HTR7: variants seen among roughly 807,000 people sequenced by gnomAD.
HTR7 encodes 5-hydroxytryptamine receptor 7.
In HTR7, 16 loss-of-function variants were observed where a neutral mutation model predicts 34.0. That is an observed-to-expected ratio of 0.47 (90% CI 0.32 to 0.71). HTR7 has a LOEUF of 0.71. HTR7 is among the 30% of genes least tolerant of loss of function. The probability of loss-of-function intolerance (pLI) is 0.04; values close to 1 mark genes in which losing one functional copy is unlikely to be tolerated. For missense variants in HTR7, 504 were observed against 625.5 expected (o/e 0.81, Z 2.07); for synonymous variants, 265 against 260.2 (o/e 1.02, Z -0.18).
chr10:90,851,816 G>A (rs1047879329), intron 1 of HTR7, among the ~76,000 whole-genome samples: 1 of 152,028 alleles, frequency 6.6e-6, no homozygotes, highest in African/African-American at 2.4e-5. Flanking sequence ...CCCCCATACC[G>A]TTCTCCTGGT....
Position 90,749,002 on chromosome 10 carries a change from G to C in HTR7, c.1132C>G (p.Leu378Val). Residue 378 changes from leucine to valine, a missense_variant, in exon 2 of 4, where the codon CTC becomes GTC. Leu to Val is a conservative substitution (Grantham distance 32). Coordinates refer to ENST00000336152, the MANE Select transcript of HTR7 (RefSeq NM_019859.4). The surrounding 1 kb of genome is among the most constrained non-coding windows in gnomAD (Gnocchi z 4.2). ...AAGGCATATATAAAAGGGTTAATGA[G>C]AGAGTTTGCATAGCCTAGCCACAGA... is the stretch of plus-strand genomic sequence containing the variant. ...TFLWLGYANS[L>V]INPFIYAFFN... The C allele has an allele frequency of 6.2e-7, 1 of 1,614,102 alleles. No individual in the cohort carries two copies. Among genetic ancestry groups the C allele is most frequent in the Non-Finnish European group, 8.5e-7 (1 of 1,180,004 alleles).
chr10:90,857,798 T>C lies in HTR7; in HGVS notation c.-127A>G. 1.1e-6 allele frequency: 1 copy of C among 908,344 alleles called. No homozygotes were observed. Among genetic ancestry groups the C allele is most frequent in the Non-Finnish European group, 1.5e-6 (1 of 683,776 alleles). The allele number at this position is 908,344 out of a possible 1,614,324, so 56.3% of individuals were successfully genotyped here. Reference sequence around the variant, plus strand: ...CAGCCATGGGGCCCGCGCCGACCGCTGGGGGGCGCCTGGCTCTGTCTCGGA... The same window carrying C: ...CAGCCATGGGGCCCGCGCCGACCGCCGGGGGGCGCCTGGCTCTGTCTCGGA... On this transcript the variant is annotated 5_prime_UTR_variant, in exon 1 of 4. Transcript: ENST00000336152. This position sits in a 1 kb window ranked among gnomAD's most constrained non-coding sequence, Gnocchi z 6.5.
At chr10:90,807,288 T>C (rs1214632202) in intron 1 of HTR7, among the ~76,000 whole-genome samples, 3 of 152,112 alleles carry the variant, frequency 2.0e-5, no homozygotes, top group Non-Finnish European at 4.4e-5. Flanking sequence ...ATCACACCTA[T>C]TGTCAGGCCT....
At chr10:90,853,287 CTTTT>C (rs35477812) in intron 1 of HTR7, among the ~76,000 whole-genome samples, 1 of 110,054 alleles carries the variant, frequency 9.1e-6, no homozygotes, top group Non-Finnish European at 1.9e-5. Flanking sequence ...TTTTTTTTTT[CTTTT>C]TTTTTTTTTT....
At chr10:90,791,395 G>A (rs1408646058) in intron 1 of HTR7, among the ~76,000 whole-genome samples, 1 of 152,048 alleles carries the variant, frequency 6.6e-6, no homozygotes, top group Non-Finnish European at 1.5e-5. Context: ...TTAAAGAAAG[G>A]TTATATGGAT....
At chr10:90,765,085 G>A (rs1033633818) in intron 1 of HTR7, among the ~76,000 whole-genome samples, 1 of 152,122 alleles carries the variant, frequency 6.6e-6, no homozygotes, top group Non-Finnish European at 1.5e-5. Context: ...CAACTTTTTG[G>A]AAGAGTTTGA....
At chr10:90,755,536 T>C (rs757219435) in intron 1 of HTR7, among the ~76,000 whole-genome samples, 1 of 152,232 alleles carries the variant, frequency 6.6e-6, no homozygotes, top group African/African-American at 2.4e-5. Flanking sequence ...CTTAACTCAC[T>C]AAATTGATTT....
chr10:90,809,872 T>C (rs1383628425), intron 1 of HTR7, among the ~76,000 whole-genome samples: 1 of 152,194 alleles, frequency 6.6e-6, no homozygotes, highest in Non-Finnish European at 1.5e-5. Flanking sequence ...GCTTCCCAGA[T>C]CTTCTTGGCT....
At chr10:90,798,153 A>C (rs760582514) in intron 1 of HTR7, among the ~76,000 whole-genome samples, 2 of 152,222 alleles carry the variant, frequency 1.3e-5, no homozygotes, top group Non-Finnish European at 2.9e-5. Flanking sequence ...TGCTTTAAAG[A>C]AGGCTAAAAA....
At chr10:90,838,412 C>T (rs2120079030) in intron 1 of HTR7, among the ~76,000 whole-genome samples, 1 of 152,300 alleles carries the variant, frequency 6.6e-6, no homozygotes, top group East Asian at 1.9e-4. Context: ...ACTACTCCAA[C>T]CCAGTCCAAG....
chr10:90,834,051 G>A (rs1271026065), intron 1 of HTR7, among the ~76,000 whole-genome samples: 2 of 152,162 alleles, frequency 1.3e-5, no homozygotes, highest in Non-Finnish European at 1.5e-5. Flanking sequence ...CACGCTTACT[G>A]CAAAAGAGAA....
chr10:90,820,290 G>C (rs74834430), intron 1 of HTR7, among the ~76,000 whole-genome samples: 2 of 152,052 alleles, frequency 1.3e-5, no homozygotes, highest in African/African-American at 4.8e-5. Flanking sequence ...ATGGCTTTTT[G>C]ATTTTCTTTT....
At chr10:90,834,394 G>A (rs1004599345) in intron 1 of HTR7, among the ~76,000 whole-genome samples, 1 of 151,924 alleles carries the variant, frequency 6.6e-6, no homozygotes, top group Non-Finnish European at 1.5e-5. Context: ...CGGGGGGTGG[G>A]GGAAATCACT....
At chr10:90,855,844 A>G (rs1846571050) in intron 1 of HTR7, among the ~76,000 whole-genome samples, 1 of 152,220 alleles carries the variant, frequency 6.6e-6, no homozygotes, top group African/African-American at 2.4e-5. Context: ...AAAATAACCT[A>G]AATTGTTAGC....
At position 90,809,265 on chromosome 10, in the gene HTR7, G is replaced by C. The variant is rs569114974; in HGVS notation, c.539+47868C>G. 3.3e-5 allele frequency among the ~76,000 whole-genome samples: 5 copies of C among 152,250 alleles called. No homozygotes were observed. The East Asian group carries it at 9.6e-4, about 29-fold the overall frequency. On this transcript the variant is annotated intron_variant, in intron 1 of 3. Coordinates refer to ENST00000336152, the MANE Select transcript of HTR7 (RefSeq NM_019859.4). The stretch of plus-strand genomic sequence containing the variant: ...TGCCTAGCAATTTACTCTTAAAAAG[G>C]TGGCTGGAGCTAAAGACATAGTCAA...
chr10:90,749,226 G>A lies in HTR7; in HGVS notation c.908C>T (p.Ala303Val). Residue 303 changes from alanine (A) to valine (V), a missense_variant, in exon 2 of 4, where the codon GCA becomes GTA. Ala to Val is a moderately conservative substitution (Grantham distance 64). This residue lies in a region of HTR7 where 57 missense variants were observed against 47.5 expected (regional missense o/e 1.20). Transcript: ENST00000336152. This position sits in a 1 kb window ranked among gnomAD's most constrained non-coding sequence, Gnocchi z 4.2. ...ATGCTTGAGGAGTCTCGAAAGGTTTGCACACTCTTCCACCTCCTTCTGGAG... is the reference window on the plus strand; with the variant it reads ...ATGCTTGAGGAGTCTCGAAAGGTTTACACACTCTTCCACCTCCTTCTGGAG... ...VKLQKEVEEC[A>V]NLSRLLKHER... 2 of 1,614,012 alleles carry A rather than the reference G, an allele frequency of 1.2e-6. No homozygotes were observed. Among genetic ancestry groups the A allele is most frequent in the Non-Finnish European group, 8.5e-7 (1 of 1,179,978 alleles).
At chr10:90,841,356 G>A (rs925143091) in intron 1 of HTR7, among the ~76,000 whole-genome samples, 44 of 152,262 alleles carry the variant, frequency 2.9e-4, no homozygotes, top group Admixed American at 1.6e-3. Flanking sequence ...AAACTCAGTG[G>A]CTTAAAACAA....
At chr10:90,818,893 G>A (rs966889905) in intron 1 of HTR7, among the ~76,000 whole-genome samples, 2 of 152,096 alleles carry the variant, frequency 1.3e-5, no homozygotes, top group Admixed American at 1.3e-4. Context: ...CATGAGATCT[G>A]GTTGTTTAAA....
intron 1 of HTR7, among the ~76,000 whole-genome samples, chr10:90,780,160 C>T (rs887365091): frequency 5.3e-5 from 8 of 152,206 alleles, no homozygotes; most frequent in African/African-American, 1.9e-4. Context: ...GCCAAAGGAT[C>T]ACTTGAGGTC....
Sources: gnomAD v4.1 joint callset for allele counts (sites outside exome capture counted in the v4.1 genomes callset) on GRCh38, gnomAD v4.1.1 for gene constraint, gnomAD v4.1.1 regional missense constraint, Gnocchi (gnomAD v3.1) non-coding constraint, MANE v1.5 for transcripts, NCBI Gene and HGNC (gene_info 2026-07-23, HGNC 2026-07-21) for gene names.